Variants in RUVBL1 observed in about 807,000 individuals in gnomAD.
RUVBL1 encodes the protein RuvB like AAA ATPase 1.
In RUVBL1, 4 loss-of-function variants were observed where a neutral mutation model predicts 52.4. The observed-to-expected ratio is 0.08, with a 90% CI of 0.04 to 0.17. The LOEUF (loss-of-function observed/expected upper bound fraction) is 0.17. Ranked by LOEUF, RUVBL1 falls within the 10% of genes least tolerant of loss-of-function variation. The probability of loss-of-function intolerance (pLI) is 1.00; values close to 1 mark genes in which losing one functional copy is unlikely to be tolerated. For missense variants in RUVBL1, 298 were observed against 572.8 expected (o/e 0.52, Z 4.90); for synonymous variants, 217 against 214.4 (o/e 1.01, Z -0.10).
chr3:128,108,922 A>T (rs1365642190), intron 3 of RUVBL1, among the ~76,000 whole-genome samples: 2 of 152,224 alleles, frequency 1.3e-5, no homozygotes, highest in Non-Finnish European at 2.9e-5. Flanking sequence ...GCTGAACCTT[A>T]CAGATATAGA....
In RUVBL1 at chr3:128,081,512, G is replaced by C; in HGVS notation, c.1212-103C>G. 1 of 1,245,520 alleles carries C rather than the reference G, an allele frequency of 8.0e-7. No individual in the cohort carries two copies. Among genetic ancestry groups the C allele is most frequent in the Non-Finnish European group, 1.1e-6 (1 of 900,500 alleles). The allele number at this position is 1,245,520 out of a possible 1,614,324, so 77.2% of individuals were successfully genotyped here. ...GCACTGGCACCAGGAGCAGAGCCCAGTGCTGGGCTTGTGCCAGCTGCTACG... is the reference window on the plus strand; with the variant it reads ...GCACTGGCACCAGGAGCAGAGCCCACTGCTGGGCTTGTGCCAGCTGCTACG... On this transcript the variant is annotated intron_variant, in intron 10 of 10. Coordinates refer to ENST00000322623, the MANE Select transcript of RUVBL1 (RefSeq NM_003707.3). This position sits in a 1 kb window ranked among gnomAD's most constrained non-coding sequence, Gnocchi z 4.8.
At chr3:128,145,031 G>A (rs1340072839) in intron 1 of RUVBL1, among the ~76,000 whole-genome samples, 2 of 152,184 alleles carry the variant, frequency 1.3e-5, no homozygotes, top group Non-Finnish European at 2.9e-5. Context: ...ACAACTCAGA[G>A]GAAGGAGGAA....
chr3:128,136,716 A>G (rs1943953746), intron 1 of RUVBL1, among the ~76,000 whole-genome samples: 1 of 152,158 alleles, frequency 6.6e-6, no homozygotes. Context: ...GGATGGAAAA[A>G]ATGTTCCATG....
intron 9 of RUVBL1, among the ~76,000 whole-genome samples, chr3:128,074,842 C>CAAAAAAAAAAAAAAAAA (rs386397876): frequency 4.1e-5 from 3 of 72,802 alleles, no homozygotes; most frequent in African/African-American, 9.8e-5. Context: ...AACTCCGTCT[C>CAAAAAAAAAAAAAAAAA]AAAAAAAAAA....
chr3:128,143,471 A>G (rs929177012), intron 1 of RUVBL1, among the ~76,000 whole-genome samples: 4 of 152,202 alleles, frequency 2.6e-5, no homozygotes. Flanking sequence ...GTGCCCCGCC[A>G]AGACCCTCAT....
chr3:128,090,778 T>G (rs1300172300), intron 8 of RUVBL1, among the ~76,000 whole-genome samples: 1 of 152,228 alleles, frequency 6.6e-6, no homozygotes, highest in African/African-American at 2.4e-5. Context: ...AGGCCATAAG[T>G]GTTTTTTAAG....
intron 1 of RUVBL1, among the ~76,000 whole-genome samples, chr3:128,129,661 T>C (rs1943846024): frequency 6.6e-6 from 1 of 152,098 alleles, no homozygotes; most frequent in Non-Finnish European, 1.5e-5. Context: ...TAAAAGATGG[T>C]ATATACATAT....
chr3:128,098,040 CT>C (rs1465298862), intron 7 of RUVBL1, among the ~76,000 whole-genome samples: 2 of 152,122 alleles, frequency 1.3e-5, no homozygotes, highest in African/African-American at 4.8e-5. Context: ...GAGCAGAAAC[CT>C]TTGAGGAATG....
rs1019119833 is a variant in RUVBL1 at position 128,065,371 on chromosome 3, T to C, written c.940-151A>G. On this transcript the variant is annotated intron_variant, in intron 9 of 9. Coordinates refer to the RUVBL1 transcript ENST00000464873. ...TAGCTCTGAAACCTCATTGCTCTCT[T>C]ATAGAAAGTTTGTATGATATTTATA... 1.6e-4 allele frequency: 89 copies of C among 567,922 alleles called. 2 individuals are homozygous for C. In the South Asian group the frequency reaches 1.6e-3, roughly 10 times the overall value. 35.2% of individuals were successfully genotyped at this position (567,922 alleles called of 1,614,324 possible).
In RUVBL1 at chr3:128,069,832, C is replaced by T. The variant is rs1440902646; in HGVS notation, c.940-4612G>A. 5 of 662,110 alleles carry T rather than the reference C, an allele frequency of 7.6e-6. No individual in the cohort carries two copies. The Admixed American group carries it at 9.5e-5, about 13-fold the overall frequency. 41.0% of individuals were successfully genotyped at this position (662,110 alleles called of 1,614,324 possible). On this transcript the variant is annotated intron_variant, in intron 9 of 9. Coordinates refer to the RUVBL1 transcript ENST00000464873. ...AGACATTTTCCAATTTAAAATTTTGCTTTTTATCCTGGCACTGGCAAAAAG... is the reference window on the plus strand; with the variant it reads ...AGACATTTTCCAATTTAAAATTTTGTTTTTTATCCTGGCACTGGCAAAAAG...
At chr3:128,130,738 C>T (rs553994952) in intron 1 of RUVBL1, among the ~76,000 whole-genome samples, 1 of 151,836 alleles carries the variant, frequency 6.6e-6, no homozygotes, top group South Asian at 2.1e-4. Flanking sequence ...GCAAACTCCA[C>T]CTCTCGAGTT....
intron 3 of RUVBL1, 49 bp from the exon 4 acceptor site, chr3:128,104,973 T>C (rs997782178): frequency 1.3e-6 from 2 of 1,563,752 alleles, no homozygotes; most frequent in African/African-American, 1.4e-5. Context: ...ATCTTTTCTC[T>C]CACACTGAGA....
chr3:128,108,208 C>G (rs1445493432), intron 3 of RUVBL1, among the ~76,000 whole-genome samples: 1 of 152,174 alleles, frequency 6.6e-6, no homozygotes, highest in African/African-American at 2.4e-5. Context: ...CCTCCCCACC[C>G]CCTCTCCCAA....
At chr3:128,153,717 G>T (rs767146680) in exon 1 of RUVBL1, 1 of 1,581,068 alleles carries the variant, frequency 6.3e-7, no homozygotes, top group South Asian at 1.1e-5. Context: ...CTTTGCCCGA[G>T]TTCCAGGCAG....
At chr3:128,091,386 A>T (rs1942834380) in intron 8 of RUVBL1, among the ~76,000 whole-genome samples, 1 of 152,234 alleles carries the variant, frequency 6.6e-6, no homozygotes, top group Admixed American at 6.5e-5. Context: ...GATAATAATT[A>T]CATTTTGGTC....
intron 3 of RUVBL1, among the ~76,000 whole-genome samples, chr3:128,111,202 C>T (rs1173532149): frequency 4.4e-5 from 6 of 136,372 alleles, no homozygotes; most frequent in African/African-American, 8.6e-5. Flanking sequence ...TCCAGCCTGG[C>T]GACAGAGACT....
At chr3:128,078,775 C>G (rs1301129839), downstream of RUVBL1, 1 of 152,178 alleles carries the variant, frequency 6.6e-6, no homozygotes, top group Non-Finnish European at 1.5e-5. Context: ...GGAGAAACTT[C>G]TCATAGTTGG....
At chr3:128,151,003 T>A (rs1344478329) in intron 1 of RUVBL1, among the ~76,000 whole-genome samples, 23 of 91,152 alleles carry the variant, frequency 2.5e-4, no homozygotes, top group African/African-American at 1.1e-3. Context: ...TTATATATAT[T>A]ATATTATATA....
At chr3:128,126,995 T>C (rs1576481914), upstream of RUVBL1, among the ~76,000 whole-genome samples, 1 of 152,344 alleles carries the variant, frequency 6.6e-6, no homozygotes, top group East Asian at 1.9e-4. Flanking sequence ...ACACTGTAAT[T>C]GGCTCAGAAA....
Sources: allele counts gnomAD v4.1 joint callset (sites outside exome capture counted in the v4.1 genomes callset), GRCh38; gene constraint gnomAD v4.1.1; non-coding constraint Gnocchi (gnomAD v3.1); transcripts MANE v1.5; gene names NCBI Gene and HGNC (gene_info 2026-07-23, HGNC 2026-07-21).